FRY: variants seen among roughly 807,000 people sequenced by gnomAD.
FRY encodes the protein FRY microtubule binding protein.
In FRY, 128 loss-of-function variants were observed where a neutral mutation model predicts 348.4. The observed-to-expected ratio is 0.37, with a 90% CI of 0.32 to 0.43. The LOEUF is 0.43. FRY is among the 20% of genes least tolerant of loss of function. FRY has a pLI of 1.00. For synonymous variants in FRY, 1,370 were observed against 1,374.7 expected, an observed-to-expected ratio of 1.00 and a Z score of 0.08; for missense variants, 2,736 against 3,695.2, an observed-to-expected ratio of 0.74 and a Z score of 6.73.
At position 32,102,822 on chromosome 13, in the gene FRY, CA is replaced by C. The variant is rs1877252342; in HGVS notation, c.324+811del. ...TTTCCTAAACTTTTGCAGTTAATGA[CA>C]AAAAGGACATTATGTTCTTCAAAAA... is the stretch of plus-strand genomic sequence containing the variant. On this transcript the variant is annotated intron_variant, in intron 3 of 60. Coordinates refer to ENST00000542859, the MANE Select transcript of FRY (RefSeq NM_023037.3). Among the ~76,000 whole-genome samples the C allele has an allele frequency of 2.6e-5, 4 of 152,130 alleles. 1 individual carries two copies. In the South Asian group the frequency reaches 8.3e-4, roughly 32 times the overall value.
chr13:32,192,986 G>A (rs975758210), intron 28 of FRY, among the ~76,000 whole-genome samples: 5 of 151,576 alleles, frequency 3.3e-5, no homozygotes, highest in East Asian at 1.9e-4. Context: ...CAAGTGATGC[G>A]CCTGCCTGGG....
chr13:32,172,373 G>A (rs1037297149), intron 18 of FRY, among the ~76,000 whole-genome samples: 1 of 152,198 alleles, frequency 6.6e-6, no homozygotes, highest in Admixed American at 6.5e-5. Context: ...GGATATGGAT[G>A]TGGATATAGG....
At chr13:32,135,570 A>T (rs1250210915) in intron 10 of FRY, among the ~76,000 whole-genome samples, 1 of 152,188 alleles carries the variant, frequency 6.6e-6, no homozygotes, top group Non-Finnish European at 1.5e-5. Flanking sequence ...GGATGCTAGG[A>T]TCAAAATGGA....
At chr13:32,100,832 C>T (rs990321441) in intron 2 of FRY, among the ~76,000 whole-genome samples, 3 of 152,122 alleles carry the variant, frequency 2.0e-5, no homozygotes, top group Admixed American at 6.6e-5. Context: ...GGTGCCTTCC[C>T]GCTGCATCTT....
chr13:32,089,112 T>G (rs542455188), intron 2 of FRY, among the ~76,000 whole-genome samples: 1 of 152,222 alleles, frequency 6.6e-6, no homozygotes, highest in Admixed American at 6.5e-5. Flanking sequence ...CATTTTGACA[T>G]TCCTGAAAAT....
chr13:32,126,094 T>G (rs1879000904), intron 7 of FRY, among the ~76,000 whole-genome samples: 1 of 152,222 alleles, frequency 6.6e-6, no homozygotes, highest in African/African-American at 2.4e-5. Flanking sequence ...TGCAATTGAG[T>G]AATGAAAGCA....
chr13:32,058,982 T>C (rs1294430589), intron 1 of FRY, among the ~76,000 whole-genome samples: 2 of 152,230 alleles, frequency 1.3e-5, no homozygotes, highest in Non-Finnish European at 2.9e-5. Flanking sequence ...TTTCATTGAC[T>C]CTAAAATGTA....
chr13:32,190,956 G>A (rs1363404449), intron 28 of FRY, among the ~76,000 whole-genome samples: 1 of 152,104 alleles, frequency 6.6e-6, no homozygotes. Context: ...CCAAGAATAA[G>A]TATATATACC....
intron 4 of FRY, among the ~76,000 whole-genome samples, chr13:32,118,335 T>G (rs1443098268): frequency 6.6e-6 from 1 of 152,222 alleles, no homozygotes; most frequent in African/African-American, 2.4e-5. Context: ...AAACTGAAAT[T>G]AATCAACCAG....
chr13:32,138,552 G>A lies in FRY; in HGVS notation c.1179+1580G>A, dbSNP rs1879859545. ...CCCACCAGAAAGATTTAATATGAGG[G>A]TTATATACAACCCCAGAGAGGAGCA... is the stretch of plus-strand genomic sequence containing the variant. On this transcript the variant is annotated intron_variant, in intron 11 of 60. Coordinates refer to ENST00000542859, the MANE Select transcript of FRY (RefSeq NM_023037.3). Among the ~76,000 whole-genome samples, 4 of 152,060 alleles carry A rather than the reference G, an allele frequency of 2.6e-5. No homozygotes were observed. In the South Asian group the frequency reaches 8.3e-4, roughly 32 times the overall value.
intron 12 of FRY, 42 bp from the exon 13 acceptor site, chr13:32,147,797 A>G: frequency 9.4e-7 from 1 of 1,066,080 alleles, no homozygotes; most frequent in South Asian, 1.2e-5. Flanking sequence ...ACTGGAGCTC[A>G]GCCAATCTTG....
Position 32,262,258 on chromosome 13 carries a change from G to A in FRY, c.7618-56G>A, listed in dbSNP as rs201029075. ...AACCAACAACTAGAGAATAAATGGAGCTTTTAAAGAATGGGAACTTCATAC... is the reference window on the plus strand; with the variant it reads ...AACCAACAACTAGAGAATAAATGGAACTTTTAAAGAATGGGAACTTCATAC... On this transcript the variant is annotated intron_variant, in intron 52 of 60. Coordinates refer to ENST00000542859, the MANE Select transcript of FRY (RefSeq NM_023037.3). 267 of 1,396,456 alleles carry A rather than the reference G, an allele frequency of 1.9e-4. 2 individuals carry two copies. Among genetic ancestry groups the A allele is most frequent in the Admixed American group, 1.6e-3 (93 of 58,520 alleles). 86.5% of individuals were successfully genotyped at this position (1,396,456 alleles called of 1,614,324 possible). A position where few individuals can be genotyped will look rare whatever the true frequency, so the allele number is the denominator to read the frequency against.
intron 1 of FRY, among the ~76,000 whole-genome samples, chr13:32,044,223 G>C (rs975674211): frequency 1.8e-4 from 28 of 152,008 alleles, no homozygotes; most frequent in African/African-American, 6.8e-4. Flanking sequence ...ATGTTTTTCT[G>C]TTTTCAGATA....
In FRY at chr13:32,209,747, C is replaced by T; in HGVS notation, c.4422+16C>T. 1.9e-6 allele frequency: 3 copies of T among 1,613,388 alleles called. No individual in the cohort carries two copies. In the South Asian group the frequency reaches 3.3e-5, roughly 18 times the overall value. ...CCTACCCTATGTAAGTGTCTCTCAGCCCTTCAAGAGTGATTATTCCTGCAG... is the reference window on the plus strand; with the variant it reads ...CCTACCCTATGTAAGTGTCTCTCAGTCCTTCAAGAGTGATTATTCCTGCAG... On this transcript the variant is annotated intron_variant, in intron 33 of 60. Coordinates refer to ENST00000542859, the MANE Select transcript of FRY (RefSeq NM_023037.3).
At position 32,171,252 on chromosome 13, in the gene FRY, C is replaced by T; in HGVS notation, c.2133C>T (p.Asn711=). 1 of 1,518,276 alleles carries T rather than the reference C, an allele frequency of 6.6e-7. No homozygotes were observed. Among genetic ancestry groups the T allele is most frequent in the Non-Finnish European group, 8.9e-7 (1 of 1,119,506 alleles). The allele number at this position is 1,518,276 out of a possible 1,614,324, so 94.1% of individuals were successfully genotyped here. A position where few individuals can be genotyped will look rare whatever the true frequency, so the allele number is the denominator to read the frequency against. ...QTQGKVYEQA[N]KIRNSELIAN... ...AAGGAAAAGTCTATGAACAAGCCAA[C>T]AAAATCAGAAATTCAGAGGTGATTT... is the stretch of plus-strand genomic sequence containing the variant. The change falls in exon 18 of 61, where the codon AAC becomes AAT. Residue 711 remains asparagine, a synonymous_variant. Coordinates refer to ENST00000542859, the MANE Select transcript of FRY (RefSeq NM_023037.3).
At chr13:32,124,569 CCTTCT>C in intron 5 of FRY, 28 bp from the exon 6 acceptor site, 1 of 1,246,984 alleles carries the variant, frequency 8.0e-7, no homozygotes, top group Non-Finnish European at 1.2e-6. Flanking sequence ...TTTAATATTC[CCTTCT>C]GAGTTAAGAA....
At position 32,201,943 on chromosome 13, in the gene FRY, A is replaced by G. The variant is rs1884054263; in HGVS notation, c.3749A>G (p.Asn1250Ser). Residue 1250 changes from asparagine (N) to serine (S), a missense_variant and splice_region_variant, in exon 30 of 61, where the codon AAC becomes AGC. Transcript: ENST00000542859. ...KAIATVCGSR[N>S]YPFDIVTLLN... is the part of the protein sequence containing the mutation. The stretch of plus-strand genomic sequence containing the variant: ...GTTTTGTTCTGTTGTGTTTTTAGGA[A>G]CTATCCCTTCGACATAGTGACATTG... 6.5e-7 allele frequency: 1 copy of G among 1,544,358 alleles called. No homozygotes were observed. The highest frequency in any genetic ancestry group is 1.4e-5 in the African/African-American group (1 of 73,664).
At position 32,049,029 on chromosome 13, in the gene FRY, T is replaced by C. The variant is rs375827173; in HGVS notation, c.70+17164T>C. Reference sequence around the variant, plus strand: ...GCTTCACAATCAAAGACAGCCTACTTTGATGAAAGGGAAGGTGTAAGGAAG... The same window carrying C: ...GCTTCACAATCAAAGACAGCCTACTCTGATGAAAGGGAAGGTGTAAGGAAG... On this transcript the variant is annotated intron_variant, in intron 1 of 60. Coordinates refer to ENST00000542859, the MANE Select transcript of FRY (RefSeq NM_023037.3). Among the ~76,000 whole-genome samples, 7 of 152,316 alleles carry C rather than the reference T, an allele frequency of 4.6e-5. No homozygotes were observed. In the East Asian group the frequency reaches 9.6e-4, roughly 21 times the overall value.
intron 2 of FRY, among the ~76,000 whole-genome samples, chr13:32,092,443 C>T (rs1007754670): frequency 1.3e-5 from 2 of 152,166 alleles, no homozygotes; most frequent in Non-Finnish European, 2.9e-5. Flanking sequence ...AATTCGTGTA[C>T]ACCAAAATTG....
Sources: gnomAD v4.1 joint callset for allele counts (sites outside exome capture counted in the v4.1 genomes callset) on GRCh38, gnomAD v4.1.1 for gene constraint, MANE v1.5 for transcripts, NCBI Gene and HGNC (gene_info 2026-07-23, HGNC 2026-07-21) for gene names.